Variants in DGKI observed in about 807,000 individuals in gnomAD.
DGKI encodes diacylglycerol kinase iota.
In DGKI, 55 loss-of-function variants were observed where a neutral mutation model predicts 147.5. The observed-to-expected ratio is 0.37, with a 90% CI of 0.30 to 0.47. The LOEUF (loss-of-function observed/expected upper bound fraction) is 0.47. Ranked by LOEUF, DGKI falls within the 20% of genes least tolerant of loss-of-function variation. DGKI has a pLI of 1.00. For missense variants in DGKI, 1,007 were observed against 1,323.8 expected (o/e 0.76, Z 3.71); for synonymous variants, 469 against 477.1 (o/e 0.98, Z 0.22).
chr7:137,723,347 A>G (rs1473419935), intron 1 of DGKI, among the ~76,000 whole-genome samples: 4 of 152,240 alleles, frequency 2.6e-5, no homozygotes, highest in Non-Finnish European at 4.4e-5. Flanking sequence ...TCCAGGCGCC[A>G]TGCTAGACAC....
At chr7:137,439,771 C>T (rs1226549483) in intron 28 of DGKI, among the ~76,000 whole-genome samples, 1 of 152,082 alleles carries the variant, frequency 6.6e-6, no homozygotes, top group Non-Finnish European at 1.5e-5. Context: ...TTCATGTCCA[C>T]TATGTTACTG....
At chr7:137,613,383 C>T (rs1416389531) in intron 8 of DGKI, among the ~76,000 whole-genome samples, 1 of 152,072 alleles carries the variant, frequency 6.6e-6, no homozygotes, top group Non-Finnish European at 1.5e-5. Context: ...ATAAAGAAAA[C>T]TTATTCCAAA....
At chr7:137,654,231 G>A (rs1265932431) in intron 5 of DGKI, among the ~76,000 whole-genome samples, 5 of 152,142 alleles carry the variant, frequency 3.3e-5, no homozygotes, top group Non-Finnish European at 7.3e-5. Context: ...CTGAGATTTA[G>A]AGAGCTTAGG....
At chr7:137,559,490 A>C (rs1416551951) in intron 19 of DGKI, among the ~76,000 whole-genome samples, 1 of 152,164 alleles carries the variant, frequency 6.6e-6, no homozygotes, top group Non-Finnish European at 1.5e-5. Context: ...ACTGCTAGAG[A>C]GTGAAAAAGA....
At chr7:137,623,381 A>C in intron 7 of DGKI, 102 bp downstream of exon 7, 1 of 1,113,188 alleles carries the variant, frequency 9.0e-7, no homozygotes, top group Non-Finnish European at 1.4e-6. Flanking sequence ...CAATACATTA[A>C]ATTAGGAATG....
intron 1 of DGKI, among the ~76,000 whole-genome samples, chr7:137,768,613 C>T (rs1420086486): frequency 6.6e-6 from 1 of 152,188 alleles, no homozygotes; most frequent in African/African-American, 2.4e-5. Flanking sequence ...GGCAACCCGA[C>T]TGCATGCACG....
At chr7:137,638,481 T>C (rs1487013505) in intron 6 of DGKI, among the ~76,000 whole-genome samples, 1 of 124,472 alleles carries the variant, frequency 8.0e-6, no homozygotes, top group South Asian at 2.5e-4. Flanking sequence ...TATGTGTGTA[T>C]ATATATACAC....
chr7:137,691,206 A>G (rs546798105), intron 1 of DGKI, among the ~76,000 whole-genome samples: 1 of 152,304 alleles, frequency 6.6e-6, no homozygotes, highest in African/African-American at 2.4e-5. Flanking sequence ...CTGTGGGAGC[A>G]TGTACATTTA....
chr7:137,481,635 T>C (rs1204092317), intron 23 of DGKI, among the ~76,000 whole-genome samples: 1 of 152,102 alleles, frequency 6.6e-6, no homozygotes, highest in African/African-American at 2.4e-5. Flanking sequence ...GGTGTCATTT[T>C]TGAGCTTCAG....
At chr7:137,638,884 A>G (rs1821518782) in intron 6 of DGKI, among the ~76,000 whole-genome samples, 1 of 151,852 alleles carries the variant, frequency 6.6e-6, no homozygotes, top group African/African-American at 2.4e-5. Flanking sequence ...CTCTTAAAAA[A>G]TACTAAATTT....
intron 8 of DGKI, among the ~76,000 whole-genome samples, chr7:137,618,392 ACTCT>A (rs955086307): frequency 6.6e-6 from 1 of 150,518 alleles, no homozygotes; most frequent in Admixed American, 6.7e-5. Context: ...CCTGCCTGCT[ACTCT>A]CTCTCTACTC....
At position 137,630,546 on chromosome 7, in the gene DGKI, C is replaced by T. The variant is rs1282693634; in HGVS notation, c.805-6992G>A. The stretch of plus-strand genomic sequence containing the variant: ...GCTGTATGAAACAACTAAGGCATAG[C>T]TTCCACGATATCTTCATTTCAGAAG... On this transcript the variant is annotated intron_variant, in intron 6 of 32. Coordinates refer to ENST00000614521, the MANE Select transcript of DGKI (RefSeq NM_001321708.2). Among the ~76,000 whole-genome samples the T allele has an allele frequency of 2.0e-5, 3 of 152,176 alleles. No individual in the cohort carries two copies. In the East Asian group the frequency reaches 5.8e-4, roughly 29 times the overall value.
At chr7:137,565,563 C>T (rs992309079) in intron 19 of DGKI, among the ~76,000 whole-genome samples, 1 of 152,068 alleles carries the variant, frequency 6.6e-6, no homozygotes, top group East Asian at 1.9e-4. Flanking sequence ...AGTTTTATTT[C>T]AATTAACAAA....
At chr7:137,759,186 G>A (rs754892013) in intron 1 of DGKI, among the ~76,000 whole-genome samples, 2 of 151,904 alleles carry the variant, frequency 1.3e-5, no homozygotes, top group African/African-American at 4.8e-5. Context: ...ACTGTTTAGC[G>A]CCTACTTATA....
chr7:137,747,980 T>G (rs1166067550), intron 1 of DGKI, among the ~76,000 whole-genome samples: 1 of 152,198 alleles, frequency 6.6e-6, no homozygotes, highest in Non-Finnish European at 1.5e-5. Context: ...GAAATAAGAT[T>G]TATAAAGGTT....
At chr7:137,593,782 G>C (rs573850565) in intron 12 of DGKI, among the ~76,000 whole-genome samples, 1 of 152,234 alleles carries the variant, frequency 6.6e-6, no homozygotes, top group African/African-American at 2.4e-5. Flanking sequence ...AATTTCACCT[G>C]CTTTTTACCT....
chr7:137,723,699 CTTTTTTTTTT>C (rs769605042), intron 1 of DGKI, among the ~76,000 whole-genome samples: 2 of 104,436 alleles, frequency 1.9e-5, no homozygotes, highest in African/African-American at 4.6e-5. Flanking sequence ...CATGATATCC[CTTTTTTTTTT>C]TTTTTTTTTT....
At chr7:137,460,727 A>G (rs1384287087) in intron 27 of DGKI, among the ~76,000 whole-genome samples, 3 of 152,248 alleles carry the variant, frequency 2.0e-5, no homozygotes, top group African/African-American at 7.2e-5. Flanking sequence ...AGATTTTCCA[A>G]TTAGAGATAC....
intron 28 of DGKI, among the ~76,000 whole-genome samples, chr7:137,430,784 G>T (rs988094522): frequency 1.3e-5 from 2 of 152,072 alleles, no homozygotes; most frequent in African/African-American, 2.4e-5. Flanking sequence ...CAGAATGAAG[G>T]AAGACATAAG....
Sources: allele counts gnomAD v4.1 joint callset (sites outside exome capture counted in the v4.1 genomes callset), GRCh38; gene constraint gnomAD v4.1.1; transcripts MANE v1.5; gene names NCBI Gene and HGNC (gene_info 2026-07-23, HGNC 2026-07-21).